TMEM102: variants seen among roughly 807,000 people sequenced by gnomAD.
TMEM102 encodes the protein transmembrane protein 102.
Under a neutral mutation model 26.8 loss-of-function variants are expected in TMEM102, and 28 were observed. The ratio of observed to expected loss-of-function variants is 1.05; its 90% CI spans 0.77 to 1.43. The LOEUF (loss-of-function observed/expected upper bound fraction) is 1.43, where lower values mean the gene tolerates loss of function less well. Among genes scored for constraint, TMEM102 ranks in the 40% most tolerant of loss-of-function variants. The pLI is 0.00. For synonymous variants in TMEM102, 306 were observed against 332.1 expected (o/e 0.92, Z 0.86); for missense variants, 677 against 705.6 (o/e 0.96, Z 0.46).
Position 7,435,857 on chromosome 17 carries a change from A to T in TMEM102, c.-15A>T. The T allele has an allele frequency of 1.3e-6, 2 of 1,572,616 alleles. No individual in the cohort carries two copies. Among genetic ancestry groups the T allele is most frequent in the Non-Finnish European group, 1.7e-6 (2 of 1,157,320 alleles). On this transcript the variant is annotated 5_prime_UTR_variant, in exon 2 of 3. Transcript: ENST00000323206. ...TCCCTTCCGTGTTTTCCGCAGCCCA[A>T]AGCGATAGAACCGCATGGCTTCCGC...
Position 7,435,581 on chromosome 17 carries a change from G to A in TMEM102, c.-135G>A, listed in dbSNP as rs34408730. 35,940 of 376,548 alleles carry A rather than the reference G, an allele frequency of 0.095. 2,092 individuals are homozygous for A. Among genetic ancestry groups the A allele is most frequent in the East Asian group, 0.15 (3,636 of 24,906 alleles). 23.3% of individuals were successfully genotyped at this position (376,548 alleles called of 1,614,324 possible). ...GAGGTAGACAAGGGGCGGCAGCGGA[G>A]GCTGGCTACTGCATTCCGTAGGAGG... On this transcript the variant is annotated 5_prime_UTR_variant, in exon 1 of 3. Coordinates refer to ENST00000323206, the MANE Select transcript of TMEM102 (RefSeq NM_178518.3).
In TMEM102 at chr17:7,436,034, A is replaced by C. The variant is rs1180556370; in HGVS notation, c.163A>C (p.Lys55Gln). The C allele has an allele frequency of 2.5e-6, 4 of 1,613,638 alleles. 1 individual carries two copies. The highest frequency in any genetic ancestry group is 2.2e-5 in the East Asian group (1 of 44,886). The change falls in exon 2 of 3, where the codon AAG (lysine) becomes CAG (glutamine). Residue 55 changes from lysine (K) to glutamine (Q), a missense_variant. By Grantham distance (53) the Lys-to-Gln change is moderately conservative (BLOSUM62 1). Transcript: ENST00000323206. Reference sequence around the variant, plus strand: ...GCAGGAGAGCTGGAGTGACGGGCCCAAGCCGGGAGCCGATCTCCTCCGGGC... The same window carrying C: ...GCAGGAGAGCTGGAGTGACGGGCCCCAGCCGGGAGCCGATCTCCTCCGGGC... ...GVQESWSDGP[K>Q]PGADLLRAKD... is the part of the protein sequence containing the mutation.
At position 7,436,576 on chromosome 17, in the gene TMEM102, G is replaced by A; in HGVS notation, c.597G>A (p.Glu199=). The A allele has an allele frequency of 1.2e-6, 2 of 1,614,010 alleles. No homozygotes were observed. The highest frequency in any genetic ancestry group is 1.7e-6 in the Non-Finnish European group (2 of 1,179,990). Residue 199 remains glutamate, a synonymous_variant, in exon 3 of 3, where the codon GAG becomes GAA. Coordinates refer to ENST00000323206, the MANE Select transcript of TMEM102 (RefSeq NM_178518.3). ...SVDQPHSYVT[E]HEAPVSLEKS... The stretch of plus-strand genomic sequence containing the variant: ...ACCAGCCGCACAGCTACGTCACTGA[G>A]CACGAGGCGCCGGTGTCTTTGGAAA...
Position 7,437,068 on chromosome 17 carries a change from G to A in TMEM102, c.1089G>A (p.Trp363Ter), listed in dbSNP as rs983639109. Reference sequence around the variant, plus strand: ...CCGAGCGGCCGTGCGCCTCCGCCTGGCAGCTCTGTTTTGCCCGCCAGGAGC... The same window carrying A: ...CCGAGCGGCCGTGCGCCTCCGCCTGACAGCTCTGTTTTGCCCGCCAGGAGC... ...GGTERPCASA[W>*]QLCFARQELA... The change falls in exon 3 of 3, where the codon TGG (tryptophan) becomes TGA (stop). Residue 363 changes from tryptophan to a stop codon, truncating the protein, a stop_gained. Coordinates refer to ENST00000323206, the MANE Select transcript of TMEM102 (RefSeq NM_178518.3). LOFTEE classifies it high-confidence loss of function. This position sits in a 1 kb window ranked among gnomAD's most constrained non-coding sequence, Gnocchi z 4.2. 3 of 1,547,994 alleles carry A rather than the reference G, an allele frequency of 1.9e-6. No homozygotes were observed. Among genetic ancestry groups the A allele is most frequent in the African/African-American group, 1.4e-5 (1 of 73,440 alleles).
At position 7,437,371 on chromosome 17, in the gene TMEM102, C is replaced by G. The variant is rs774424551; in HGVS notation, c.1392C>G (p.Asp464Glu). 2.6e-6 allele frequency: 4 copies of G among 1,564,444 alleles called. No homozygotes were observed. Among genetic ancestry groups the G allele is most frequent in the Non-Finnish European group, 3.5e-6 (4 of 1,157,570 alleles). Residue 464 changes from aspartate to glutamate, a missense_variant, in exon 3 of 3, where the codon GAC becomes GAG. Coordinates refer to ENST00000323206, the MANE Select transcript of TMEM102 (RefSeq NM_178518.3). This position sits in a 1 kb window ranked among gnomAD's most constrained non-coding sequence, Gnocchi z 4.2. ...FLNGRQLRTG[D>E]DSAALLGELA... ...ACGGCCGACAGCTCCGTACGGGGGA[C>G]GACTCCGCTGCGCTGCTCGGAGAAT... is the stretch of plus-strand genomic sequence containing the variant.
chr17:7,435,896 GC>G lies in TMEM102; in HGVS notation c.30del (p.Trp11GlyfsTer27). MASAVWGS[A>X]PWWGPPPPAP... ...CATGGCTTCCGCAGTCTGGGGGAGT[GC>G]CCCCTGGTGGGGCCCGCCGCCCCCG... On this transcript the variant is annotated frameshift_variant, in exon 2 of 3. Transcript: ENST00000323206. LOFTEE classifies it high-confidence loss of function. 1 of 1,608,674 alleles carries G rather than the reference GC, an allele frequency of 6.2e-7. No individual in the cohort carries two copies. Among genetic ancestry groups the G allele is most frequent in the Non-Finnish European group, 8.5e-7 (1 of 1,178,012 alleles).
At position 7,437,183 on chromosome 17, in the gene TMEM102, G is replaced by A. The variant is rs1007469676; in HGVS notation, c.1204G>A (p.Ala402Thr). The A allele has an allele frequency of 2.7e-5, 40 of 1,493,342 alleles. No homozygotes were observed. The highest frequency in any genetic ancestry group is 9.5e-5 in the Admixed American group (4 of 41,994). 92.5% of individuals were successfully genotyped at this position (1,493,342 alleles called of 1,614,324 possible). A position where few individuals can be genotyped will look rare whatever the true frequency, so the allele number is the denominator to read the frequency against. The change falls in exon 3 of 3, where the codon GCG becomes ACG. Residue 402 changes from alanine to threonine, a missense_variant. By Grantham distance (58) the Ala-to-Thr change is moderately conservative. Transcript: ENST00000323206. The surrounding 1 kb of genome is among the most constrained non-coding windows in gnomAD (Gnocchi z 4.2). ...GCGCCCGCTGGTGGCCGGGACCCGGGCGGCGGCGCCCTACCTCCTGCGGAC... is the reference window on the plus strand; with the variant it reads ...GCGCCCGCTGGTGGCCGGGACCCGGACGGCGGCGCCCTACCTCCTGCGGAC... ...LLRPLVAGTR[A>T]AAPYLLRTLL...
intron 1 of TMEM102, 60 bp downstream of exon 1, chr17:7,435,756 T>G: frequency 1.2e-6 from 1 of 856,424 alleles, no homozygotes; most frequent in Non-Finnish European, 1.8e-6. Flanking sequence ...GACCCATTTG[T>G]AGGTTGTGTC....
Position 7,437,314 on chromosome 17 carries a change from C to A in TMEM102, c.1335C>A (p.Leu445=). Residue 445 remains leucine, a synonymous_variant, in exon 3 of 3, where the codon CTC becomes CTA. Coordinates refer to ENST00000323206, the MANE Select transcript of TMEM102 (RefSeq NM_178518.3). This position sits in a 1 kb window ranked among gnomAD's most constrained non-coding sequence, Gnocchi z 4.2. ...TGCTAGACGAGCTCGGCCGAGTGCT[C>A]GAGGCCGGGACGTTGCCTCACTATT... ...LGLLDELGRV[L]EAGTLPHYFL... is the part of the protein sequence containing the mutation. 6.4e-7 allele frequency: 1 copy of A among 1,556,784 alleles called. No homozygotes were observed.
In TMEM102 at chr17:7,437,369, G is replaced by C. The variant is rs574300860; in HGVS notation, c.1390G>C (p.Asp464His). The C allele has an allele frequency of 1.9e-6, 3 of 1,566,786 alleles. No individual in the cohort carries two copies. Among genetic ancestry groups the C allele is most frequent in the Non-Finnish European group, 2.6e-6 (3 of 1,158,754 alleles). ...FLNGRQLRTG[D>H]DSAALLGELA... is the part of the protein sequence containing the mutation. ...GAACGGCCGACAGCTCCGTACGGGG[G>C]ACGACTCCGCTGCGCTGCTCGGAGA... Residue 464 changes from aspartate to histidine, a missense_variant, in exon 3 of 3, where the codon GAC becomes CAC. Transcript: ENST00000323206. The surrounding 1 kb of genome is among the most constrained non-coding windows in gnomAD (Gnocchi z 4.2).
Position 7,436,480 on chromosome 17 carries a change from C to CCCT in TMEM102, c.503_504insTCC (p.Pro168dup). 1 of 1,613,790 alleles carries CCCT rather than the reference C, an allele frequency of 6.2e-7. No homozygotes were observed. Among genetic ancestry groups the CCCT allele is most frequent in the Non-Finnish European group, 8.5e-7 (1 of 1,180,042 alleles). On this transcript the variant is annotated inframe_insertion, in exon 3 of 3. Transcript: ENST00000323206. ...GGCAGGATTGCTTAGGACCCCCAGT[C>CCCT]CCAGGAGCACGTGATTCGATCCACC...
intron 1 of TMEM102, 38 bp from the exon 2 acceptor site, chr17:7,435,813 TTG>T: frequency 6.7e-7 from 1 of 1,487,846 alleles, no homozygotes; most frequent in East Asian, 2.3e-5. Flanking sequence ...GGGGACGACT[TTG>T]TGGCAGCAAA....
rs759837904 is a variant in TMEM102 at position 7,437,284 on chromosome 17, C to T, written c.1305C>T (p.Leu435=). ...CAGAAAATGCGGGCGCCTGCTGCCT[C>T]GGGCTGCTAGACGAGCTCGGCCGAG... ...ARPENAGACC[L]GLLDELGRVL... is the part of the protein sequence containing the mutation. The change falls in exon 3 of 3, where the codon CTC becomes CTT. Residue 435 remains leucine, a synonymous_variant. Coordinates refer to ENST00000323206, the MANE Select transcript of TMEM102 (RefSeq NM_178518.3). The surrounding 1 kb of genome is among the most constrained non-coding windows in gnomAD (Gnocchi z 4.2). 2 of 1,545,434 alleles carry T rather than the reference C, an allele frequency of 1.3e-6. No homozygotes were observed. Among genetic ancestry groups the T allele is most frequent in the Non-Finnish European group, 1.7e-6 (2 of 1,151,872 alleles).
At position 7,436,549 on chromosome 17, in the gene TMEM102, A is replaced by G. The variant is rs1358029431; in HGVS notation, c.570A>G (p.Val190=). 1 of 1,614,030 alleles carries G rather than the reference A, an allele frequency of 6.2e-7. No homozygotes were observed. Among genetic ancestry groups the G allele is most frequent in the South Asian group, 1.1e-5 (1 of 91,086 alleles). The part of the protein sequence containing the change: ...EESSKDWQSS[V]DQPHSYVTEH... ...GTTCCAAGGACTGGCAAAGCTCTGT[A>G]GACCAGCCGCACAGCTACGTCACTG... Residue 190 remains valine (V), a synonymous_variant, in exon 3 of 3, where the codon GTA becomes GTG. Coordinates refer to ENST00000323206, the MANE Select transcript of TMEM102 (RefSeq NM_178518.3).
chr17:7,435,560 TAG>T lies in TMEM102; in HGVS notation c.-154_-153del, dbSNP rs1315269314. Reference sequence around the variant, plus strand: ...CTTCCAAAAAAGAGGTAAAGGGAGGTAGACAAGGGGCGGCAGCGGAGGCTGGC... The same window carrying T: ...CTTCCAAAAAAGAGGTAAAGGGAGGTACAAGGGGCGGCAGCGGAGGCTGGC... On this transcript the variant is annotated 5_prime_UTR_variant, in exon 1 of 3. Transcript: ENST00000323206. The T allele has an allele frequency of 3.0e-6, 1 of 333,658 alleles. No individual in the cohort carries two copies. Among genetic ancestry groups the T allele is most frequent in the Non-Finnish European group, 5.5e-6 (1 of 181,344 alleles). 20.7% of individuals were successfully genotyped at this position (333,658 alleles called of 1,614,324 possible).
In TMEM102 at chr17:7,437,488, G is replaced by A. The variant is rs760966453; in HGVS notation, c.1509G>A (p.Val503=). 2.0e-5 allele frequency: 28 copies of A among 1,394,590 alleles called. No homozygotes were observed. The highest frequency in any genetic ancestry group is 7.4e-6 in the Non-Finnish European group (8 of 1,077,036). 86.4% of individuals were successfully genotyped at this position (1,394,590 alleles called of 1,614,324 possible). The change falls in exon 3 of 3, where the codon GTG becomes GTA. Residue 503 remains valine (V), a synonymous_variant. Coordinates refer to ENST00000323206, the MANE Select transcript of TMEM102 (RefSeq NM_178518.3). The surrounding 1 kb of genome is among the most constrained non-coding windows in gnomAD (Gnocchi z 4.2). The stretch of plus-strand genomic sequence containing the variant: ...GCAAGGGGGGCGGTTTGGCGGGCGT[G>A]GGGGGCGGGGCCCATTAAAGACGCT... ...VARKGGGLAG[V]GGGAH is the part of the protein sequence containing the mutation.
At position 7,436,306 on chromosome 17, in the gene TMEM102, C is replaced by T. The variant is rs762258166; in HGVS notation, c.327C>T (p.Tyr109=). The T allele has an allele frequency of 1.2e-6, 2 of 1,613,696 alleles. No individual in the cohort carries two copies. Among genetic ancestry groups the T allele is most frequent in the African/African-American group, 1.3e-5 (1 of 74,938 alleles). Residue 109 remains tyrosine (Y), a synonymous_variant, in exon 3 of 3, where the codon TAC becomes TAT. Coordinates refer to ENST00000323206, the MANE Select transcript of TMEM102 (RefSeq NM_178518.3). ...TGGGGCATGCACCCCTGGGTCCCTA[C>T]GCCCGGGGACCTCACTACGATGCCG... ...LDLGHAPLGP[Y]ARGPHYDAGF...
rs1052864025 is a variant in TMEM102 at position 7,435,487 on chromosome 17, C to G, written c.-229C>G. Reference sequence around the variant, plus strand: ...AACCTGTTGAATCTATTTCTGCTCCCCACCCTTACTGCTTCCCATAAGGGG... The same window carrying G: ...AACCTGTTGAATCTATTTCTGCTCCGCACCCTTACTGCTTCCCATAAGGGG... On this transcript the variant is annotated 5_prime_UTR_variant, in exon 1 of 3. Coordinates refer to ENST00000323206, the MANE Select transcript of TMEM102 (RefSeq NM_178518.3). 5 of 184,468 alleles carry G rather than the reference C, an allele frequency of 2.7e-5. No individual in the cohort carries two copies. The highest frequency in any genetic ancestry group is 9.4e-5 in the African/African-American group (4 of 42,688). 11.4% of individuals were successfully genotyped at this position (184,468 alleles called of 1,614,324 possible). A position where few individuals can be genotyped will look rare whatever the true frequency, so the allele number is the denominator to read the frequency against.
chr17:7,437,411 G>A lies in TMEM102; in HGVS notation c.1432G>A (p.Gly478Arg), dbSNP rs9902332. ...ALLGELARLR[G>R]DPARALRAAV... The stretch of plus-strand genomic sequence containing the variant: ...GCTCGGAGAATTGGCCCGGCTCCGC[G>A]GGGACCCGGCCCGGGCCCTCCGTGC... The change falls in exon 3 of 3, where the codon GGG becomes AGG. Residue 478 changes from glycine to arginine, a missense_variant. Coordinates refer to ENST00000323206, the MANE Select transcript of TMEM102 (RefSeq NM_178518.3). This position sits in a 1 kb window ranked among gnomAD's most constrained non-coding sequence, Gnocchi z 4.2. 2.6e-6 allele frequency: 4 copies of A among 1,517,332 alleles called. No individual in the cohort carries two copies. Among genetic ancestry groups the A allele is most frequent in the Non-Finnish European group, 3.5e-6 (4 of 1,131,564 alleles). 94.0% of individuals were successfully genotyped at this position (1,517,332 alleles called of 1,614,324 possible).
Sources: allele counts gnomAD v4.1 joint callset, GRCh38; gene constraint gnomAD v4.1.1; non-coding constraint Gnocchi (gnomAD v3.1); transcripts MANE v1.5; gene names NCBI Gene and HGNC (gene_info 2026-07-23, HGNC 2026-07-21).